KCNIP4: variants seen among roughly 807,000 people sequenced by gnomAD.
KCNIP4 encodes the protein Kv channel-interacting protein 4.
KCNIP4 carries 12 observed loss-of-function variants against 34.0 expected under a neutral mutation model. The observed-to-expected ratio is 0.35, with a 90% CI of 0.23 to 0.57. KCNIP4 has a LOEUF of 0.57. KCNIP4 is among the 20% of genes least tolerant of loss of function. The probability of loss-of-function intolerance (pLI) is 0.83; values close to 1 mark genes in which losing one functional copy is unlikely to be tolerated. For missense variants in KCNIP4, 238 were observed against 311.7 expected (o/e 0.76, Z 1.78); for synonymous variants, 124 against 102.2 (o/e 1.21, Z -1.29).
intron 1 of KCNIP4, among the ~76,000 whole-genome samples, chr4:21,725,556 A>G (rs904100811): frequency 1.3e-5 from 2 of 152,270 alleles, no homozygotes; most frequent in Non-Finnish European, 1.5e-5. Flanking sequence ...GCTCTGAGAG[A>G]TGGAGAGGAT....
At chr4:21,084,334 G>A (rs1577663147) in intron 1 of KCNIP4, among the ~76,000 whole-genome samples, 2 of 151,978 alleles carry the variant, frequency 1.3e-5, no homozygotes, top group African/African-American at 4.8e-5. Context: ...AAGGTGAATT[G>A]ATACAAACAC....
intron 1 of KCNIP4, among the ~76,000 whole-genome samples, chr4:21,145,330 T>C (rs1467067000): frequency 6.6e-6 from 1 of 152,170 alleles, no homozygotes; most frequent in Non-Finnish European, 1.5e-5. Flanking sequence ...ATTCAGAGTT[T>C]CATGGAGGTG....
At chr4:21,030,430 A>T (rs1289832684) in intron 1 of KCNIP4, among the ~76,000 whole-genome samples, 3 of 152,194 alleles carry the variant, frequency 2.0e-5, no homozygotes, top group African/African-American at 7.2e-5. Context: ...ACTATGTAAT[A>T]ATAGCAGAAA....
intron 1 of KCNIP4, among the ~76,000 whole-genome samples, chr4:21,458,737 T>C (rs527328314): frequency 6.6e-6 from 1 of 152,206 alleles, no homozygotes; most frequent in Admixed American, 6.5e-5. Context: ...AACTGATTCT[T>C]GTTGTTTCTC....
intron 1 of KCNIP4, among the ~76,000 whole-genome samples, chr4:21,806,716 A>C (rs114655392): frequency 0.028 from 4,191 of 152,300 alleles, 74 homozygotes; most frequent in Non-Finnish European, 0.041. Context: ...CAGAAGTTGA[A>C]AGGGAAAACA....
intron 1 of KCNIP4, among the ~76,000 whole-genome samples, chr4:21,540,252 C>T (rs77914769): frequency 6.6e-6 from 1 of 152,172 alleles, no homozygotes; most frequent in African/African-American, 2.4e-5. Flanking sequence ...TTTGCTTTTA[C>T]AAAACAGTCA....
intron 1 of KCNIP4, among the ~76,000 whole-genome samples, chr4:21,235,389 A>G (rs950679798): frequency 1.1e-4 from 17 of 152,014 alleles, no homozygotes; most frequent in Non-Finnish European, 2.5e-4. Context: ...ACCTCATTCT[A>G]GTTACCTCAG....
chr4:21,355,992 T>C (rs1718552944), intron 1 of KCNIP4, among the ~76,000 whole-genome samples: 2 of 152,080 alleles, frequency 1.3e-5, no homozygotes, highest in Non-Finnish European at 2.9e-5. Context: ...GCATGACTGG[T>C]TCAACATACG....
At chr4:21,445,772 T>G (rs1727925692) in intron 1 of KCNIP4, among the ~76,000 whole-genome samples, 1 of 152,068 alleles carries the variant, frequency 6.6e-6, no homozygotes, top group African/African-American at 2.4e-5. Flanking sequence ...AATTGACAAA[T>G]GGGATCTAAT....
chr4:21,360,510 AT>A (rs1460137329), intron 1 of KCNIP4, among the ~76,000 whole-genome samples: 3 of 152,036 alleles, frequency 2.0e-5, no homozygotes, highest in African/African-American at 7.2e-5. Context: ...CCTCTTTTAT[AT>A]TTAATTGTCT....
At chr4:21,294,798 A>G (rs1358095056) in intron 1 of KCNIP4, among the ~76,000 whole-genome samples, 1 of 152,200 alleles carries the variant, frequency 6.6e-6, no homozygotes, top group African/African-American at 2.4e-5. Flanking sequence ...TCCAATAAAT[A>G]TGTATTAGTA....
chr4:21,831,599 G>A (rs1722993778), intron 1 of KCNIP4, among the ~76,000 whole-genome samples: 1 of 128,582 alleles, frequency 7.8e-6, no homozygotes, highest in South Asian at 2.6e-4. Context: ...TAAATCATGA[G>A]GAAAGAGAAA....
At chr4:21,747,148 A>G (rs1716831341) in intron 1 of KCNIP4, among the ~76,000 whole-genome samples, 1 of 152,120 alleles carries the variant, frequency 6.6e-6, no homozygotes, top group Non-Finnish European at 1.5e-5. Context: ...TTATGTTGAC[A>G]TAAGTGATAC....
intron 1 of KCNIP4, among the ~76,000 whole-genome samples, chr4:21,266,630 GGTGTATCTAT>G (rs1761828650): frequency 6.6e-6 from 1 of 152,158 alleles, no homozygotes; most frequent in East Asian, 1.9e-4. Flanking sequence ...GTGCATGTGG[GGTGTATCTAT>G]TAGGCAGAAG....
intron 5 of KCNIP4, among the ~76,000 whole-genome samples, chr4:20,738,581 G>C (rs1750268854): frequency 6.6e-6 from 1 of 152,156 alleles, no homozygotes; most frequent in African/African-American, 2.4e-5. Flanking sequence ...CAAAACAGCA[G>C]AGAAACAATG....
At chr4:21,821,416 A>G (rs1457312215) in intron 1 of KCNIP4, among the ~76,000 whole-genome samples, 1 of 152,184 alleles carries the variant, frequency 6.6e-6, no homozygotes, top group Non-Finnish European at 1.5e-5. Context: ...TCACTGGGGA[A>G]AGAGAAGTCA....
intron 1 of KCNIP4, among the ~76,000 whole-genome samples, chr4:21,077,571 G>A (rs1745602298): frequency 6.6e-6 from 1 of 152,052 alleles, no homozygotes; most frequent in Admixed American, 6.6e-5. Context: ...CTCCAGATTT[G>A]TTACTTACTA....
At chr4:21,732,619 G>C (rs1239402161) in intron 1 of KCNIP4, among the ~76,000 whole-genome samples, 1 of 152,164 alleles carries the variant, frequency 6.6e-6, no homozygotes, top group East Asian at 1.9e-4. Flanking sequence ...CCCAGAGCCT[G>C]CTCCTAATGA....
At chr4:21,549,608 A>C (rs2109013375) in intron 1 of KCNIP4, among the ~76,000 whole-genome samples, 1 of 152,134 alleles carries the variant, frequency 6.6e-6, no homozygotes, top group African/African-American at 2.4e-5. Context: ...ACCCAACTAA[A>C]CATTTTTATT....
Sources: gnomAD v4.1 joint callset for allele counts (sites outside exome capture counted in the v4.1 genomes callset) on GRCh38, gnomAD v4.1.1 for gene constraint, MANE v1.5 for transcripts, NCBI Gene and HGNC (gene_info 2026-07-23, HGNC 2026-07-21) for gene names.